Variants in ENOPH1 observed in about 807,000 individuals in gnomAD.
The protein encoded by ENOPH1 is enolase-phosphatase 1, also known as enolase-phosphatase E1.
Under a neutral mutation model 31.1 loss-of-function variants are expected in ENOPH1, and 14 were observed. That is an observed-to-expected ratio of 0.45 (90% CI 0.30 to 0.70). The LOEUF is 0.70. Ranked by LOEUF, ENOPH1 falls within the 30% of genes least tolerant of loss-of-function variation. The pLI is 0.09. For synonymous variants in ENOPH1, 127 were observed against 123.2 expected (o/e 1.03, Z -0.21); for missense variants, 243 against 321.5 (o/e 0.76, Z 1.87).
chr4:82,452,349 C>T (rs1024672081), intron 3 of ENOPH1, among the ~76,000 whole-genome samples: 1 of 151,874 alleles, frequency 6.6e-6, no homozygotes, highest in African/African-American at 2.4e-5. Flanking sequence ...TTGCTCTTTG[C>T]CCAGGCTGGA....
At chr4:82,457,217 A>AT (rs1281243750) in intron 5 of ENOPH1, among the ~76,000 whole-genome samples, 179 bp downstream of exon 5, 1 of 151,964 alleles carries the variant, frequency 6.6e-6, no homozygotes, top group African/African-American at 2.4e-5. Context: ...AAAAAAAAAA[A>AT]CACAGCAGTG....
intron 1 of ENOPH1, among the ~76,000 whole-genome samples, chr4:82,434,638 C>CAG: frequency 6.6e-6 from 1 of 152,154 alleles, no homozygotes; most frequent in East Asian, 1.9e-4. Context: ...CACTTGAACC[C>CAG]AGGAGGTGGA....
At chr4:82,449,726 C>T (rs766040220) in intron 2 of ENOPH1, among the ~76,000 whole-genome samples, 29 of 152,184 alleles carry the variant, frequency 1.9e-4, no homozygotes, top group Non-Finnish European at 4.0e-4. Flanking sequence ...ATGTCATTCT[C>T]CATATGACAG....
chr4:82,457,636 A>G (rs1722525918), intron 5 of ENOPH1, among the ~76,000 whole-genome samples: 1 of 151,952 alleles, frequency 6.6e-6, no homozygotes, highest in Non-Finnish European at 1.5e-5. Context: ...CACACACACT[A>G]TGACACAGGA....
intron 1 of ENOPH1, among the ~76,000 whole-genome samples, chr4:82,436,887 A>C (rs1721918789): frequency 6.6e-6 from 1 of 152,032 alleles, no homozygotes; most frequent in Non-Finnish European, 1.5e-5. Context: ...CTCACACAGA[A>C]TATGTCATCG....
intron 1 of ENOPH1, among the ~76,000 whole-genome samples, chr4:82,442,968 T>G (rs745943388): frequency 6.6e-6 from 1 of 152,058 alleles, no homozygotes; most frequent in Non-Finnish European, 1.5e-5. Flanking sequence ...CCACCACACC[T>G]GGCTAAGTTT....
intron 3 of ENOPH1, among the ~76,000 whole-genome samples, chr4:82,453,889 A>C (rs2110046514): frequency 6.6e-6 from 1 of 152,138 alleles, no homozygotes; most frequent in African/African-American, 2.4e-5. Context: ...TCCCCATATA[A>C]TAAAACATTG....
At chr4:82,453,052 C>T (rs1043870850) in intron 3 of ENOPH1, among the ~76,000 whole-genome samples, 10 of 152,202 alleles carry the variant, frequency 6.6e-5, no homozygotes, top group Admixed American at 6.5e-4. Context: ...CAGGCGTGTG[C>T]CACCACGCCC....
chr4:82,442,475 G>A (rs112136219), intron 1 of ENOPH1, among the ~76,000 whole-genome samples: 8,516 of 152,134 alleles, frequency 0.056, 279 homozygotes, highest in Non-Finnish European at 0.071. Context: ...AGCTGAGATC[G>A]CACCATTGTA....
rs1011279223 is a variant in ENOPH1 at position 82,454,992 on chromosome 4, C to T, written c.522+138C>T. On this transcript the variant is annotated intron_variant, in intron 4 of 5. Coordinates refer to ENST00000273920, the MANE Select transcript of ENOPH1 (RefSeq NM_021204.5). ...AAATTAGGTAAGAAGAAAATAATCA[C>T]TTTTAATTATATTGTATTTACAGTT... 11 of 749,774 alleles carry T rather than the reference C, an allele frequency of 1.5e-5. No homozygotes were observed. The African/African-American group carries it at 2.0e-4, about 13-fold the overall frequency. 46.4% of individuals were successfully genotyped at this position (749,774 alleles called of 1,614,324 possible). A position where few individuals can be genotyped will look rare whatever the true frequency, so the allele number is the denominator to read the frequency against.
chr4:82,448,688 G>A (rs1225893618), intron 2 of ENOPH1, among the ~76,000 whole-genome samples: 1 of 151,842 alleles, frequency 6.6e-6, no homozygotes, highest in African/African-American at 2.4e-5. Context: ...TTGGGAGGCC[G>A]AGGTGGGTGG....
intron 5 of ENOPH1, 140 bp downstream of exon 5, chr4:82,457,178 G>A: frequency 1.2e-6 from 1 of 819,618 alleles, no homozygotes; most frequent in East Asian, 3.0e-5. Context: ...TAAAGAAACA[G>A]TGTCTGGTTC....
intron 1 of ENOPH1, among the ~76,000 whole-genome samples, chr4:82,436,094 G>A (rs573579746): frequency 1.1e-4 from 16 of 152,274 alleles, no homozygotes; most frequent in South Asian, 1.0e-3. Context: ...TCCCAGTTAC[G>A]TCTACCATGG....
chr4:82,444,126 C>T (rs1006429327), intron 1 of ENOPH1, among the ~76,000 whole-genome samples: 4 of 152,216 alleles, frequency 2.6e-5, no homozygotes, highest in South Asian at 2.1e-4. Flanking sequence ...CCACCTGCCT[C>T]GGCCTCCCAA....
intron 3 of ENOPH1, among the ~76,000 whole-genome samples, chr4:82,452,201 G>C (rs1050378250): frequency 6.6e-6 from 1 of 151,902 alleles, no homozygotes; most frequent in African/African-American, 2.4e-5. Context: ...CATTAGCTGG[G>C]ACCACAGGCA....
chr4:82,442,008 A>G (rs1362100740), intron 1 of ENOPH1, among the ~76,000 whole-genome samples: 1 of 152,166 alleles, frequency 6.6e-6, no homozygotes, highest in African/African-American at 2.4e-5. Flanking sequence ...CTTCAGACTG[A>G]TCATAGTATA....
In ENOPH1 at chr4:82,430,667, A is replaced by C. The variant is rs1721709772; in HGVS notation, c.-163A>C. On this transcript the variant is annotated 5_prime_UTR_variant, in exon 1 of 6. Coordinates refer to ENST00000273920, the MANE Select transcript of ENOPH1 (RefSeq NM_021204.5). Reference sequence around the variant, plus strand: ...GCCTTTTCCAGTTCCAGGTGTGCAGAAGTGTCCTCTCCCCACGCGCGGCGG... The same window carrying C: ...GCCTTTTCCAGTTCCAGGTGTGCAGCAGTGTCCTCTCCCCACGCGCGGCGG... 1.6e-6 allele frequency: 1 copy of C among 619,550 alleles called. No homozygotes were observed. The highest frequency in any genetic ancestry group is 2.8e-5 in the East Asian group (1 of 35,828). The allele number at this position is 619,550 out of a possible 1,614,324, so 38.4% of individuals were successfully genotyped here.
intron 1 of ENOPH1, 107 bp from the exon 2 acceptor site, chr4:82,447,813 T>A (rs1476848750): frequency 3.5e-6 from 2 of 566,174 alleles, no homozygotes; most frequent in Non-Finnish European, 5.9e-6. Context: ...TTCATAGAGT[T>A]CCATTGATTT....
At chr4:82,442,375 T>C (rs1052435148) in intron 1 of ENOPH1, among the ~76,000 whole-genome samples, 2 of 151,954 alleles carry the variant, frequency 1.3e-5, no homozygotes, top group African/African-American at 2.4e-5. Context: ...CAAAAATCAG[T>C]TGGGCGTGGT....
Sources: allele counts gnomAD v4.1 joint callset (sites outside exome capture counted in the v4.1 genomes callset), GRCh38; gene constraint gnomAD v4.1.1; transcripts MANE v1.5; gene names NCBI Gene and HGNC (gene_info 2026-07-23, HGNC 2026-07-21).